The following MTUS1 variants were observed in gnomAD, a reference collection of about 807,000 sequenced individuals.
MTUS1 encodes microtubule associated scaffold protein 1.
Under a neutral mutation model 120.8 loss-of-function variants are expected in MTUS1, and 109 were observed. The observed-to-expected ratio is 0.90, with a 90% confidence interval of 0.77 to 1.06. The LOEUF (loss-of-function observed/expected upper bound fraction) is 1.06. MTUS1 is among the 50% of genes least tolerant of loss of function. The pLI is 0.00. For missense variants in MTUS1, 2,210 were observed against 1,486.3 expected, an observed-to-expected ratio of 1.49 and a Z score of -8.01; for synonymous variants, 737 against 550.5, an observed-to-expected ratio of 1.34 and a Z score of -4.74.
At chr8:17,674,687 C>T (rs1302607631) in intron 8 of MTUS1, 2 of 987,284 alleles carry the variant, frequency 2.0e-6, no homozygotes, top group Non-Finnish European at 2.4e-6. Context: ...GAACCATCAG[C>T]CCCCCTCCAA....
chr8:17,734,725 A>G (rs1173217402), intron 3 of MTUS1, among the ~76,000 whole-genome samples: 3 of 152,308 alleles, frequency 2.0e-5, no homozygotes, highest in Admixed American at 6.5e-5. Context: ...AAGGAGATAA[A>G]CAAGGGTCTT....
chr8:17,775,166 T>C (rs896000220), intron 1 of MTUS1, among the ~76,000 whole-genome samples: 2 of 152,070 alleles, frequency 1.3e-5, no homozygotes, highest in African/African-American at 2.4e-5. Flanking sequence ...GTTCTGAAAA[T>C]ACTGGTGATA....
intron 2 of MTUS1, among the ~76,000 whole-genome samples, chr8:17,751,853 A>C (rs1171581538): frequency 2.1e-5 from 3 of 141,850 alleles, no homozygotes; most frequent in Non-Finnish European, 3.0e-5. Flanking sequence ...CAAGAACAAG[A>C]CTCTGCCTTA....
intron 8 of MTUS1, among the ~76,000 whole-genome samples, chr8:17,658,816 T>G (rs896841773): frequency 6.6e-6 from 1 of 152,060 alleles, no homozygotes; most frequent in Admixed American, 6.6e-5. Flanking sequence ...CATGTGGTGG[T>G]AGAAATACCC....
At chr8:17,747,730 G>T (rs989027840) in intron 2 of MTUS1, among the ~76,000 whole-genome samples, 9 of 152,142 alleles carry the variant, frequency 5.9e-5, no homozygotes, top group Non-Finnish European at 1.2e-4. Flanking sequence ...CAAGCGGCTT[G>T]ACTGATGTAT....
Position 17,753,725 on chromosome 8 carries a change from G to A in MTUS1, c.2083C>T (p.Leu695=). 1.3e-6 allele frequency: 2 copies of A among 1,593,872 alleles called. No individual in the cohort carries two copies. The highest frequency in any genetic ancestry group is 1.7e-4 in the Middle Eastern group (1 of 5,926). The change falls in exon 2 of 15, where the codon CTG becomes TTG. Residue 695 remains leucine (L), a synonymous_variant. Transcript: ENST00000693296. Reference sequence around the variant, plus strand: ...ATATATATATTACTTACCAAAAACAGAGAACCATATTCAAAAGTCTCATTC... The same window carrying A: ...ATATATATATTACTTACCAAAAACAAAGAACCATATTCAAAAGTCTCATTC... ...IMNETFEYGS[L]FLGSASKTTT...
intron 2 of MTUS1, among the ~76,000 whole-genome samples, 158 bp downstream of exon 2, chr8:17,753,559 A>G (rs1221213946): frequency 6.6e-6 from 1 of 152,118 alleles, no homozygotes; most frequent in African/African-American, 2.4e-5. Context: ...AAACCTATTA[A>G]CACCCCAGTA....
At chr8:17,745,087 C>G (rs1014038870) in intron 2 of MTUS1, among the ~76,000 whole-genome samples, 1 of 152,158 alleles carries the variant, frequency 6.6e-6, no homozygotes, top group Non-Finnish European at 1.5e-5. Context: ...TAAGTCTCTT[C>G]AAATGATTTA....
chr8:17,776,678 C>CAAAAAAAAA lies in MTUS1; in HGVS notation c.-154-20726_-154-20718dup. ...TGGGTGACTGAGTGAGACTCTGTCTCAAAAAAAAAAAAAAAAAAAAAAAAA... is the reference window on the plus strand; with the variant it reads ...TGGGTGACTGAGTGAGACTCTGTCTCAAAAAAAAAAAAAAAAAAAAAAAAAAAAAAAAAA... On this transcript the variant is annotated intron_variant, in intron 1 of 14. Transcript: ENST00000693296. 3.6e-5 allele frequency among the ~76,000 whole-genome samples: 2 copies of CAAAAAAAAA among 55,178 alleles called. 1 individual carries two copies. Among genetic ancestry groups the CAAAAAAAAA allele is most frequent in the Non-Finnish European group, 6.2e-5 (2 of 32,084 alleles). 36.2% of individuals were successfully genotyped at this position (55,178 alleles called of 152,430 possible). A position where few individuals can be genotyped will look rare whatever the true frequency, so the allele number is the denominator to read the frequency against.
intron 10 of MTUS1, 165 bp from the exon 11 acceptor site, chr8:17,653,663 G>T: frequency 5.2e-6 from 3 of 574,084 alleles, no homozygotes; most frequent in South Asian, 4.6e-5. Context: ...TCTCAAAATG[G>T]CCTTGAGAGG....
intron 14 of MTUS1, 97 bp downstream of exon 14, chr8:17,646,885 A>G (rs1001085633): frequency 3.7e-6 from 3 of 808,624 alleles, no homozygotes; most frequent in Admixed American, 2.1e-5. Flanking sequence ...CTTCCATCAT[A>G]TTTCCAGGAG....
intron 1 of MTUS1, among the ~76,000 whole-genome samples, chr8:17,758,904 C>T (rs1435498663): frequency 2.0e-5 from 3 of 152,130 alleles, no homozygotes; most frequent in African/African-American, 7.2e-5. Flanking sequence ...TATTTTGAGA[C>T]GGAGTCTGGC....
chr8:17,793,571 A>C (rs1228641590), intron 1 of MTUS1, among the ~76,000 whole-genome samples: 3 of 152,202 alleles, frequency 2.0e-5, no homozygotes, highest in Admixed American at 6.5e-5. Flanking sequence ...AAAAGTAAAA[A>C]TGTACCCAGC....
chr8:17,699,487 T>G (rs1818614306), intron 6 of MTUS1, among the ~76,000 whole-genome samples: 1 of 152,212 alleles, frequency 6.6e-6, no homozygotes, highest in African/African-American at 2.4e-5. Flanking sequence ...GTGCTGGGAT[T>G]ACAGGGGTGA....
rs1043883 is a variant in MTUS1 at position 17,645,922 on chromosome 8, G to C, written c.*4C>G. On this transcript the variant is annotated 3_prime_UTR_variant, in exon 15 of 15. Transcript: ENST00000693296. ...TCAGAGAGTCTGTGGACTTTGGGGA[G>C]GTGTCATCTGGGTGAAATGCTGGGG... 0.6 allele frequency: 964,921 copies of C among 1,607,426 alleles called. 296,753 individuals carry two copies. The highest frequency in any genetic ancestry group is 0.68 in the Middle Eastern group (3,198 of 4,712).
chr8:17,678,073 A>C (rs888801870), intron 7 of MTUS1, among the ~76,000 whole-genome samples: 1 of 152,182 alleles, frequency 6.6e-6, no homozygotes, highest in African/African-American at 2.4e-5. Context: ...CAAGGGCTTT[A>C]AATACCATCC....
At chr8:17,773,522 G>T (rs2050170287) in intron 1 of MTUS1, among the ~76,000 whole-genome samples, 2 of 152,150 alleles carry the variant, frequency 1.3e-5, no homozygotes, top group South Asian at 4.1e-4. Context: ...ATTTAGCTCA[G>T]GGTTCTGCAG....
intron 1 of MTUS1, among the ~76,000 whole-genome samples, chr8:17,759,364 A>G (rs1026854057): frequency 6.6e-6 from 1 of 151,204 alleles, no homozygotes; most frequent in African/African-American, 2.4e-5. Context: ...CCTAGGCTCA[A>G]GCGATCTTCC....
At chr8:17,715,055 A>T (rs928175405) in intron 5 of MTUS1, among the ~76,000 whole-genome samples, 42 of 151,556 alleles carry the variant, frequency 2.8e-4, no homozygotes, top group Admixed American at 1.1e-3. Flanking sequence ...ACAGGTACAC[A>T]CGACCATGCC....
Sources: gnomAD v4.1 joint callset for allele counts (sites outside exome capture counted in the v4.1 genomes callset) on GRCh38, gnomAD v4.1.1 for gene constraint, MANE v1.5 for transcripts, NCBI Gene and HGNC (gene_info 2026-07-23, HGNC 2026-07-21) for gene names.